The following ABCA12 variants were observed in gnomAD, a reference collection of about 807,000 sequenced individuals.
ABCA12 encodes glucosylceramide transporter ABCA12.
In ABCA12, 156 loss-of-function variants were observed where a neutral mutation model predicts 293.5. The observed-to-expected ratio is 0.53, with a 90% CI of 0.47 to 0.61. The LOEUF (loss-of-function observed/expected upper bound fraction) is 0.61, where lower values mean the gene tolerates loss of function less well. Ranked by LOEUF, ABCA12 falls within the 20% of genes least tolerant of loss-of-function variation. The probability of loss-of-function intolerance (pLI) is 0.00; values close to 1 mark genes in which losing one functional copy is unlikely to be tolerated. For missense variants in ABCA12, 2,797 were observed against 3,090.2 expected, an observed-to-expected ratio of 0.91 and a Z score of 2.25; for synonymous variants, 1,063 against 1,108.0, an observed-to-expected ratio of 0.96 and a Z score of 0.81.
chr2:215,053,530 C>T (rs1043531828), intron 4 of ABCA12, among the ~76,000 whole-genome samples: 11 of 152,066 alleles, frequency 7.2e-5, no homozygotes, highest in East Asian at 1.9e-4. Flanking sequence ...CTTATTTCTA[C>T]GGTGCTTTAA....
At chr2:215,114,734 C>T (rs1395758730) in intron 1 of ABCA12, among the ~76,000 whole-genome samples, 4 of 152,050 alleles carry the variant, frequency 2.6e-5, no homozygotes, top group East Asian at 1.9e-4. Flanking sequence ...TACAAGGTAT[C>T]GTCTTTATTT....
intron 2 of ABCA12, chr2:215,082,812 C>T (rs1358731107): frequency 1.3e-5 from 2 of 152,204 alleles, no homozygotes; most frequent in Admixed American, 6.5e-5. Flanking sequence ...TTTTCAATTA[C>T]TGTAATAATA....
In ABCA12 at chr2:214,978,402, T is replaced by C. The variant is rs1200595375; in HGVS notation, c.5042A>G (p.Gln1681Arg). ...NSAMSLEHLT[Q>R]KKIGNSNANG... ...GGCATTGGAATTCCCAATTTTCTTT[T>C]GTGTTAAGTGCTCAAGACTCATAGC... Residue 1681 changes from glutamine to arginine, a missense_variant, in exon 33 of 53, where the codon CAA becomes CGA. Transcript: ENST00000272895. The C allele has an allele frequency of 1.2e-6, 2 of 1,613,842 alleles. No individual in the cohort carries two copies. Among genetic ancestry groups the C allele is most frequent in the African/African-American group, 2.7e-5 (2 of 74,932 alleles).
At chr2:215,009,113 G>A (rs1334012697) in intron 18 of ABCA12, among the ~76,000 whole-genome samples, 6 of 152,122 alleles carry the variant, frequency 3.9e-5, no homozygotes, top group Admixed American at 6.6e-5. Context: ...AGAAAATGTG[G>A]TACATGTGCA....
intron 36 of ABCA12, among the ~76,000 whole-genome samples, chr2:214,972,786 C>T (rs1424073168): frequency 2.0e-5 from 3 of 151,866 alleles, no homozygotes; most frequent in Non-Finnish European, 4.4e-5. Flanking sequence ...TAAAGAAATA[C>T]ATAAAGAACT....
chr2:215,046,784 G>A (rs1479678916), intron 6 of ABCA12, among the ~76,000 whole-genome samples: 2 of 151,928 alleles, frequency 1.3e-5, no homozygotes, highest in Non-Finnish European at 2.9e-5. Context: ...TAAGGCTAGT[G>A]TATGTACTAT....
At chr2:215,002,559 A>G (rs1449224866) in intron 20 of ABCA12, among the ~76,000 whole-genome samples, 2 of 152,224 alleles carry the variant, frequency 1.3e-5, no homozygotes, top group Non-Finnish European at 2.9e-5. Context: ...GAACCCAGAC[A>G]TGTCTCTTAC....
At chr2:214,955,117 T>C (rs1698903079) in intron 43 of ABCA12, 85 bp downstream of exon 43, 28 of 1,504,464 alleles carry the variant, frequency 1.9e-5, no homozygotes, top group Non-Finnish European at 2.5e-5. Flanking sequence ...AATGATATTC[T>C]TCTTTTTTAT....
intron 5 of ABCA12, among the ~76,000 whole-genome samples, chr2:215,051,758 T>A (rs1452755153): frequency 6.6e-6 from 1 of 151,610 alleles, no homozygotes; most frequent in Non-Finnish European, 1.5e-5. Context: ...AAAGAGCACA[T>A]AAAACAGGAC....
At position 214,981,886 on chromosome 2, in the gene ABCA12, G is replaced by GCCT. The variant is rs557981931; in HGVS notation, c.4579+298_4579+300dup. ...CCTCTTGGGTTCAAGTGATTCTCCA[G>GCCT]CCTCAGCCTCCTGACTAGCTAGGAC... On this transcript the variant is annotated intron_variant, in intron 30 of 52. Transcript: ENST00000272895. Among the ~76,000 whole-genome samples, 67 of 146,326 alleles carry GCCT rather than the reference G, an allele frequency of 4.6e-4. 4 individuals carry two copies. In the South Asian group the frequency reaches 0.014, roughly 31 times the overall value.
At position 215,111,483 on chromosome 2, in the gene ABCA12, A is replaced by C. The variant is rs1702568570; in HGVS notation, c.163+114T>G. 11 of 723,410 alleles carry C rather than the reference A, an allele frequency of 1.5e-5. No homozygotes were observed. In the South Asian group the frequency reaches 1.8e-4, roughly 12 times the overall value. The allele number at this position is 723,410 out of a possible 1,614,324, so 44.8% of individuals were successfully genotyped here. A position where few individuals can be genotyped will look rare whatever the true frequency, so the allele number is the denominator to read the frequency against. On this transcript the variant is annotated intron_variant, in intron 2 of 52. Transcript: ENST00000272895. ...ACAAATTGTTCATATTAATCCTTCC[A>C]AGTGAAAACACTATACAAAAAAAAA...
intron 22 of ABCA12, chr2:214,999,874 G>C (rs1278008964): frequency 4.1e-6 from 4 of 968,188 alleles, no homozygotes; most frequent in Non-Finnish European, 4.9e-6. Context: ...CAGAAGCATT[G>C]AAAGAAAGAA....
intron 2 of ABCA12, among the ~76,000 whole-genome samples, chr2:215,076,021 A>G (rs1355530381): frequency 6.6e-6 from 1 of 152,160 alleles, no homozygotes; most frequent in Non-Finnish European, 1.5e-5. Flanking sequence ...TGGTATTCAT[A>G]TTCCATCTAT....
At chr2:215,137,503 T>A (rs1703255375) in intron 1 of ABCA12, among the ~76,000 whole-genome samples, 5 of 152,210 alleles carry the variant, frequency 3.3e-5, no homozygotes, top group Admixed American at 3.3e-4. Flanking sequence ...AACATTAATG[T>A]AAGAGTACAA....
chr2:214,990,400 T>C (rs904940771), intron 24 of ABCA12, among the ~76,000 whole-genome samples: 1 of 152,200 alleles, frequency 6.6e-6, no homozygotes, highest in Admixed American at 6.5e-5. Flanking sequence ...TTTCAGGAAT[T>C]GGTCCAGAGA....
chr2:215,073,592 T>C (rs1701780041), intron 2 of ABCA12, among the ~76,000 whole-genome samples: 1 of 152,082 alleles, frequency 6.6e-6, no homozygotes, highest in South Asian at 2.1e-4. Context: ...ATATTCTCCC[T>C]TTCCACAGAT....
intron 2 of ABCA12, among the ~76,000 whole-genome samples, chr2:215,073,049 C>A (rs570410102): frequency 6.6e-6 from 1 of 152,016 alleles, no homozygotes; most frequent in Admixed American, 6.6e-5. Context: ...GAGCCAAGAT[C>A]GTGCCATTGC....
intron 2 of ABCA12, among the ~76,000 whole-genome samples, chr2:215,084,118 C>T (rs1021590807): frequency 6.6e-6 from 1 of 152,076 alleles, no homozygotes; most frequent in Non-Finnish European, 1.5e-5. Flanking sequence ...CCTGGGACTA[C>T]AGACACGTAC....
Position 214,937,610 on chromosome 2 carries a change from C to G in ABCA12, c.7442G>C (p.Gly2481Ala). ...GSLQHIKSRF[G>A]RGFTVKVHLK... ...GTGAACTTTGACAGTAAATCCTCGTCCAAACCTAGAAAGAAAAAGTGCAAA... is the reference window on the plus strand; with the variant it reads ...GTGAACTTTGACAGTAAATCCTCGTGCAAACCTAGAAAGAAAAAGTGCAAA... The change falls in exon 51 of 53, where the codon GGA (glycine) becomes GCA (alanine). Residue 2481 changes from glycine (G) to alanine (A), a missense_variant. By Grantham distance (60) the Gly-to-Ala change is moderately conservative (BLOSUM62 0). Transcript: ENST00000272895. 1 of 1,613,360 alleles carries G rather than the reference C, an allele frequency of 6.2e-7. No individual in the cohort carries two copies. Among genetic ancestry groups the G allele is most frequent in the Non-Finnish European group, 8.5e-7 (1 of 1,179,484 alleles).
Sources: allele counts gnomAD v4.1 joint callset (sites outside exome capture counted in the v4.1 genomes callset), GRCh38; gene constraint gnomAD v4.1.1; transcripts MANE v1.5; gene names NCBI Gene and HGNC (gene_info 2026-07-23, HGNC 2026-07-21).